PSMB7: variants seen among roughly 807,000 people sequenced by gnomAD.
PSMB7 encodes proteasome 20S subunit beta 7.
In PSMB7, 5 loss-of-function variants were observed where a neutral mutation model predicts 28.1. That is an observed-to-expected ratio of 0.18 (90% CI 0.09 to 0.37). The LOEUF (loss-of-function observed/expected upper bound fraction) is 0.37. PSMB7 is among the 10% of genes least tolerant of loss of function. PSMB7 has a pLI of 1.00. For synonymous variants in PSMB7, 122 were observed against 123.7 expected, an observed-to-expected ratio of 0.99 and a Z score of 0.09; for missense variants, 275 against 346.2, an observed-to-expected ratio of 0.79 and a Z score of 1.63.
chr9:124,388,804 G>C (rs1179105479), intron 5 of PSMB7, among the ~76,000 whole-genome samples: 3 of 152,080 alleles, frequency 2.0e-5, no homozygotes, highest in Admixed American at 6.6e-5. Flanking sequence ...GCAGTCCACA[G>C]AACTCCCAGT....
intron 6 of PSMB7, among the ~76,000 whole-genome samples, chr9:124,359,525 C>A (rs1411036465): frequency 6.6e-6 from 1 of 152,332 alleles, no homozygotes; most frequent in East Asian, 1.9e-4. Flanking sequence ...CAAGGTCACA[C>A]AGCAGGTAAA....
chr9:124,401,195 A>C (rs1332953881), intron 5 of PSMB7, among the ~76,000 whole-genome samples: 1 of 152,250 alleles, frequency 6.6e-6, no homozygotes, highest in Non-Finnish European at 1.5e-5. Context: ...TCTTTGTCCC[A>C]CTTGAATGTT....
At chr9:124,396,504 G>C (rs1830845129) in intron 5 of PSMB7, among the ~76,000 whole-genome samples, 3 of 152,162 alleles carry the variant, frequency 2.0e-5, no homozygotes, top group African/African-American at 7.2e-5. Context: ...CCTGTAAACT[G>C]GGACTTAGTA....
rs772552802 is a variant in PSMB7 at position 124,398,460 on chromosome 9, T to TC, written c.511+6856dup. The TC allele has an allele frequency of 1.2e-4, 41 of 355,874 alleles. No individual in the cohort carries two copies. The East Asian group carries it at 3.8e-3, about 33-fold the overall frequency. 22.0% of individuals were successfully genotyped at this position (355,874 alleles called of 1,614,324 possible). A position where few individuals can be genotyped will look rare whatever the true frequency, so the allele number is the denominator to read the frequency against. The stretch of plus-strand genomic sequence containing the variant: ...TCTTACATTCTCTGTAAAGAGCTCC[T>TC]CTTCACAATGGACTTGGATTGGAAA... On this transcript the variant is annotated intron_variant, in intron 5 of 7. Coordinates refer to ENST00000259457, the MANE Select transcript of PSMB7 (RefSeq NM_002799.4).
chr9:124,354,522 G>A (rs568335192), intron 7 of PSMB7, among the ~76,000 whole-genome samples: 4 of 152,208 alleles, frequency 2.6e-5, no homozygotes, highest in South Asian at 2.1e-4. Context: ...TTGTGCTCCC[G>A]GAACACCCAT....
At chr9:124,355,628 C>A (rs1214783507) in intron 7 of PSMB7, among the ~76,000 whole-genome samples, 1 of 152,252 alleles carries the variant, frequency 6.6e-6, no homozygotes, top group Admixed American at 6.5e-5. Flanking sequence ...CAACACAGCT[C>A]TGGGCCTGAA....
In PSMB7 at chr9:124,409,844, T is replaced by C. The variant is rs576910966; in HGVS notation, c.395+2508A>G. On this transcript the variant is annotated intron_variant, in intron 4 of 7. Coordinates refer to ENST00000259457, the MANE Select transcript of PSMB7 (RefSeq NM_002799.4). ...AATCAAATCCTAAACTCTTTCCTTATACCACTCTCATTTTATGTAACTCAC... is the reference window on the plus strand; with the variant it reads ...AATCAAATCCTAAACTCTTTCCTTACACCACTCTCATTTTATGTAACTCAC... 2.0e-5 allele frequency among the ~76,000 whole-genome samples: 3 copies of C among 152,334 alleles called. No individual in the cohort carries two copies. The East Asian group carries it at 5.8e-4, about 29-fold the overall frequency.
intron 6 of PSMB7, among the ~76,000 whole-genome samples, chr9:124,376,985 G>A (rs1057371042): frequency 6.6e-6 from 1 of 152,160 alleles, no homozygotes; most frequent in African/African-American, 2.4e-5. Flanking sequence ...CCAATATTAC[G>A]CTTTCAGATA....
intron 5 of PSMB7, among the ~76,000 whole-genome samples, chr9:124,387,015 G>A (rs1049560065): frequency 1.3e-5 from 2 of 152,182 alleles, no homozygotes; most frequent in Admixed American, 1.3e-4. Flanking sequence ...GGGAGGCCGA[G>A]GTGGGCGGAT....
chr9:124,386,975 G>A (rs982273315), intron 5 of PSMB7, among the ~76,000 whole-genome samples: 5 of 152,186 alleles, frequency 3.3e-5, no homozygotes, highest in East Asian at 3.9e-4. Context: ...GGCCGGGCGC[G>A]GTGGCTCACG....
At chr9:124,381,808 C>G (rs561704162) in intron 6 of PSMB7, among the ~76,000 whole-genome samples, 10 of 152,196 alleles carry the variant, frequency 6.6e-5, no homozygotes, top group Non-Finnish European at 1.5e-4. Flanking sequence ...GTGGTTAGCA[C>G]AGTTAGTGGC....
chr9:124,378,321 G>T (rs978747173), intron 6 of PSMB7, among the ~76,000 whole-genome samples: 2 of 152,124 alleles, frequency 1.3e-5, no homozygotes, highest in Non-Finnish European at 2.9e-5. Context: ...TTTTAACTGT[G>T]CTCACACGAT....
intron 6 of PSMB7, among the ~76,000 whole-genome samples, chr9:124,371,195 T>C (rs1272157177): frequency 6.6e-6 from 1 of 152,266 alleles, no homozygotes; most frequent in Non-Finnish European, 1.5e-5. Flanking sequence ...TTTACTAAAA[T>C]AATGTCTTCA....
intron 6 of PSMB7, among the ~76,000 whole-genome samples, chr9:124,378,739 C>A (rs1291434205): frequency 1.3e-5 from 2 of 152,200 alleles, no homozygotes; most frequent in African/African-American, 4.8e-5. Flanking sequence ...CCTACATTAT[C>A]GGATTCATTT....
chr9:124,366,937 A>G (rs10986325), intron 6 of PSMB7, among the ~76,000 whole-genome samples: 11,271 of 152,304 alleles, frequency 0.074, 1,018 homozygotes, highest in East Asian at 0.46. Context: ...AGTACATCCT[A>G]TGACATTCAC....
chr9:124,373,945 C>T (rs1165830683), intron 6 of PSMB7, among the ~76,000 whole-genome samples: 2 of 152,182 alleles, frequency 1.3e-5, no homozygotes, highest in African/African-American at 2.4e-5. Context: ...AAAACTTGTA[C>T]ACCAATGCTC....
chr9:124,353,807 A>C, intron 7 of PSMB7, 98 bp from the exon 8 acceptor site: 1 of 886,422 alleles, frequency 1.1e-6, no homozygotes, highest in Non-Finnish European at 1.8e-6. Flanking sequence ...CGCAGTGAGC[A>C]GGCTGGACTG....
chr9:124,366,183 C>T (rs956430584), intron 6 of PSMB7, among the ~76,000 whole-genome samples: 2 of 152,164 alleles, frequency 1.3e-5, no homozygotes, highest in Admixed American at 6.5e-5. Flanking sequence ...GAGGCCAAAG[C>T]AGGAGCATCA....
At chr9:124,388,324 G>A (rs1272750106) in intron 5 of PSMB7, among the ~76,000 whole-genome samples, 1 of 152,228 alleles carries the variant, frequency 6.6e-6, no homozygotes, top group African/African-American at 2.4e-5. Flanking sequence ...GCCAGTGAAG[G>A]AAAGGCAGGT....
Sources: gnomAD v4.1 joint callset for allele counts (sites outside exome capture counted in the v4.1 genomes callset) on GRCh38, gnomAD v4.1.1 for gene constraint, MANE v1.5 for transcripts, NCBI Gene and HGNC (gene_info 2026-07-23, HGNC 2026-07-21) for gene names.